Variants in PLCXD3 observed in about 807,000 individuals in gnomAD.
PLCXD3 encodes PI-PLC X domain-containing protein 3.
A neutral mutation model predicts 25.5 loss-of-function variants in PLCXD3; 19 were observed. That is an observed-to-expected ratio of 0.75 (90% CI 0.52 to 1.09). The LOEUF is 1.09. PLCXD3 is among the 50% of genes least tolerant of loss of function. PLCXD3 has a pLI of 0.00. For missense variants in PLCXD3, 411 were observed against 388.1 expected, an observed-to-expected ratio of 1.06 and a Z score of -0.50; for synonymous variants, 174 against 137.6, an observed-to-expected ratio of 1.26 and a Z score of -1.85.
At chr5:41,380,040 C>T (rs1427391769) in intron 2 of PLCXD3, among the ~76,000 whole-genome samples, 1 of 151,984 alleles carries the variant, frequency 6.6e-6, no homozygotes. Context: ...GGAACATTTC[C>T]ACTCCAATGA....
intron 1 of PLCXD3, among the ~76,000 whole-genome samples, chr5:41,451,816 TC>T: frequency 6.6e-6 from 1 of 152,126 alleles, no homozygotes; most frequent in African/African-American, 2.4e-5. Flanking sequence ...AGAGCAATTT[TC>T]TTTAAACAAT....
chr5:41,417,930 T>C (rs1716447529), intron 1 of PLCXD3, among the ~76,000 whole-genome samples: 1 of 152,248 alleles, frequency 6.6e-6, no homozygotes, highest in South Asian at 2.1e-4. Context: ...TATCCTCATG[T>C]GTTATCTTAT....
intron 2 of PLCXD3, among the ~76,000 whole-genome samples, chr5:41,339,357 C>T (rs1744073081): frequency 6.6e-6 from 1 of 152,006 alleles, no homozygotes; most frequent in African/African-American, 2.4e-5. Context: ...CTGGTAGTAT[C>T]AATGGTGCTG....
At chr5:41,313,958 TA>T (rs1743216081) in intron 2 of PLCXD3, among the ~76,000 whole-genome samples, 188 bp from the exon 3 acceptor site, 2 of 152,238 alleles carry the variant, frequency 1.3e-5, no homozygotes, top group South Asian at 4.1e-4. Context: ...GCAGGAGAAA[TA>T]TTCACTATAT....
chr5:41,370,663 C>G (rs318841), intron 2 of PLCXD3, among the ~76,000 whole-genome samples: 93,399 of 151,926 alleles, frequency 0.61, 29,311 homozygotes, highest in South Asian at 0.75. Context: ...AGGTCAGTCT[C>G]TGAAAACTGT....
At chr5:41,420,475 T>A (rs950798097) in intron 1 of PLCXD3, among the ~76,000 whole-genome samples, 1 of 152,158 alleles carries the variant, frequency 6.6e-6, no homozygotes, top group Non-Finnish European at 1.5e-5. Context: ...AAAACAAGAT[T>A]ATAATAATCA....
intron 2 of PLCXD3, among the ~76,000 whole-genome samples, chr5:41,369,208 A>G (rs1745022476): frequency 6.6e-6 from 1 of 152,158 alleles, no homozygotes; most frequent in Non-Finnish European, 1.5e-5. Flanking sequence ...ACCCCTAACC[A>G]GCCAATGTGA....
chr5:41,376,747 T>A (rs1341192771), intron 2 of PLCXD3, among the ~76,000 whole-genome samples: 1 of 152,134 alleles, frequency 6.6e-6, no homozygotes, highest in Admixed American at 6.6e-5. Flanking sequence ...AATTTGTATT[T>A]AGGTATTGCA....
chr5:41,410,811 G>C (rs1271459132), intron 1 of PLCXD3, among the ~76,000 whole-genome samples: 1 of 152,222 alleles, frequency 6.6e-6, no homozygotes, highest in South Asian at 2.1e-4. Flanking sequence ...GAAAGGAAAT[G>C]TGGTTGCCAC....
chr5:41,503,469 T>C (rs972706032), intron 1 of PLCXD3, among the ~76,000 whole-genome samples: 2 of 152,122 alleles, frequency 1.3e-5, no homozygotes, highest in Non-Finnish European at 2.9e-5. Flanking sequence ...CAAGAGTGCA[T>C]CTAACAGATC....
chr5:41,308,119 A>G lies in PLCXD3; in HGVS notation c.*5498T>C, dbSNP rs1743045674. On this transcript the variant is annotated 3_prime_UTR_variant, in exon 3 of 3. Coordinates refer to ENST00000377801, the MANE Select transcript of PLCXD3 (RefSeq NM_001005473.3). ...CTTTCTTGAAGGACATTATGACTGCAGATATTCATAAGGTGTCTGAACACA... is the reference window on the plus strand; with the variant it reads ...CTTTCTTGAAGGACATTATGACTGCGGATATTCATAAGGTGTCTGAACACA... The G allele has an allele frequency of 6.6e-6, 1 of 152,180 alleles. No individual in the cohort carries two copies. Among genetic ancestry groups the G allele is most frequent in the African/African-American group, 2.4e-5 (1 of 41,448 alleles). The allele number at this position is 152,180 out of a possible 1,614,324, so 9.4% of individuals were successfully genotyped here. A position where few individuals can be genotyped will look rare whatever the true frequency, so the allele number is the denominator to read the frequency against.
At chr5:41,415,608 T>C (rs1235627022) in intron 1 of PLCXD3, among the ~76,000 whole-genome samples, 2 of 152,238 alleles carry the variant, frequency 1.3e-5, no homozygotes, top group Non-Finnish European at 2.9e-5. Context: ...ATCACTTAGA[T>C]ACTTAGTTCC....
intron 1 of PLCXD3, among the ~76,000 whole-genome samples, chr5:41,420,076 TC>T (rs1036889741): frequency 2.0e-5 from 3 of 152,198 alleles, no homozygotes; most frequent in Non-Finnish European, 4.4e-5. Context: ...ATAATATGCT[TC>T]CAACCTTTTC....
chr5:41,382,094 T>G lies in PLCXD3; in HGVS notation c.544A>C (p.Lys182Gln), dbSNP rs748758082. The stretch of plus-strand genomic sequence containing the variant: ...TGATAGTCCTTCTCCCACAGGTACT[T>G]TAAACTAACTTCCTGGGCAAAAATC... ...PAIFAQEVSL[K>Q]YLWEKDYQVL... The change falls in exon 2 of 3, where the codon AAG becomes CAG. Residue 182 changes from lysine (K) to glutamine (Q), a missense_variant. Coordinates refer to ENST00000377801, the MANE Select transcript of PLCXD3 (RefSeq NM_001005473.3). 2 of 1,613,692 alleles carry G rather than the reference T, an allele frequency of 1.2e-6. No homozygotes were observed. Among genetic ancestry groups the G allele is most frequent in the Non-Finnish European group, 8.5e-7 (1 of 1,179,764 alleles).
chr5:41,360,783 G>T (rs528036049), intron 2 of PLCXD3, among the ~76,000 whole-genome samples: 2 of 151,680 alleles, frequency 1.3e-5, no homozygotes, highest in South Asian at 4.2e-4. Flanking sequence ...AGTGGACTCT[G>T]TGAGGGTCCT....
chr5:41,391,640 G>A (rs556888120), intron 1 of PLCXD3, among the ~76,000 whole-genome samples: 49 of 152,260 alleles, frequency 3.2e-4, no homozygotes, highest in African/African-American at 1.1e-3. Flanking sequence ...TACCACCTGT[G>A]GTGGCTACTG....
rs527650118 is a variant in PLCXD3, at chr5:41,311,517, T to C, written c.*2100A>G. The C allele has an allele frequency of 2.0e-5, 3 of 152,270 alleles. 1 individual carries two copies. Among genetic ancestry groups the C allele is most frequent in the African/African-American group, 7.2e-5 (3 of 41,568 alleles). 9.4% of individuals were successfully genotyped at this position (152,270 alleles called of 1,614,324 possible). ...TGTCTTCATTTGAAAAGAAGAATTG[T>C]ACTGTGTCCATATCTGTGTGTGTTT... On this transcript the variant is annotated 3_prime_UTR_variant, in exon 3 of 3. Transcript: ENST00000377801.
intron 1 of PLCXD3, among the ~76,000 whole-genome samples, chr5:41,454,875 A>G (rs1455693746): frequency 6.6e-6 from 1 of 151,998 alleles, no homozygotes; most frequent in Non-Finnish European, 1.5e-5. Context: ...AAGAAGTTTA[A>G]TTGACTCACA....
At chr5:41,341,336 C>T (rs1337203643) in intron 2 of PLCXD3, among the ~76,000 whole-genome samples, 1 of 152,144 alleles carries the variant, frequency 6.6e-6, no homozygotes, top group Non-Finnish European at 1.5e-5. Context: ...GACTGTGACT[C>T]CACCTAAATC....
Sources: gnomAD v4.1 joint callset for allele counts (sites outside exome capture counted in the v4.1 genomes callset) on GRCh38, gnomAD v4.1.1 for gene constraint, MANE v1.5 for transcripts, NCBI Gene and HGNC (gene_info 2026-07-23, HGNC 2026-07-21) for gene names.